QRICH2: variants seen among roughly 807,000 people sequenced by gnomAD.
QRICH2 encodes the protein glutamine-rich protein 2.
Under a neutral mutation model 168.3 loss-of-function variants are expected in QRICH2, and 119 were observed. That is an observed-to-expected ratio of 0.71 (90% CI 0.61 to 0.82). The LOEUF is 0.82. Among genes scored for constraint, QRICH2 ranks in the 40% least tolerant of loss-of-function variants. The pLI is 0.00. For missense variants in QRICH2, 2,241 were observed against 2,491.6 expected (o/e 0.90, Z 2.14); for synonymous variants, 894 against 951.2 (o/e 0.94, Z 1.11).
At position 76,292,596 on chromosome 17, in the gene QRICH2, C is replaced by G. The variant is rs2071029150; in HGVS notation, c.2131G>C (p.Val711Leu). Residue 711 changes from valine (V) to leucine (L), a missense_variant, in exon 4 of 19, where the codon GTA becomes CTA. Val to Leu is a conservative substitution (Grantham distance 32, BLOSUM62 1). Transcript: ENST00000680821. ...VQPGADQHGL[V>L]QSGADQSDLA... is the part of the protein sequence containing the mutation. ...TCACTCTGATCTGCACCAGATTGTACCAAACCATGCTGATCTGCACCAGGT... is the reference window on the plus strand; with the variant it reads ...TCACTCTGATCTGCACCAGATTGTAGCAAACCATGCTGATCTGCACCAGGT... 6.2e-7 allele frequency: 1 copy of G among 1,614,124 alleles called. No individual in the cohort carries two copies. Among genetic ancestry groups the G allele is most frequent in the Non-Finnish European group, 8.5e-7 (1 of 1,179,992 alleles).
chr17:76,300,564 T>TCC (rs2070880985), intron 3 of QRICH2, among the ~76,000 whole-genome samples: 3 of 152,142 alleles, frequency 2.0e-5, no homozygotes, highest in Admixed American at 6.6e-5. Context: ...GGTGTTAACC[T>TCC]CCATTATGGG....
In QRICH2 at chr17:76,280,133, G is replaced by A; in HGVS notation, c.4648C>T (p.Pro1550Ser). The A allele has an allele frequency of 6.2e-7, 1 of 1,613,902 alleles. No individual in the cohort carries two copies. The highest frequency in any genetic ancestry group is 8.5e-7 in the Non-Finnish European group (1 of 1,179,988). ...DNKLDRLELD[P>S]VKQLLEDRWK... ...CGATCCTCCAGCAACTGCTTCACTG[G>A]GTCCAGCTCCAGGCGGTCCAGCTGT... The change falls in exon 12 of 19, where the codon CCA becomes TCA. Residue 1550 changes from proline to serine, a missense_variant. Pro to Ser is a moderately conservative substitution (Grantham distance 74, BLOSUM62 -1). Around this residue, in one of 3 missense-constraint regions of QRICH2, gnomAD observed 2,047 missense variants for 2,303.8 expected, o/e 0.89. Coordinates refer to ENST00000680821, the MANE Select transcript of QRICH2 (RefSeq NM_001388453.1). The surrounding 1 kb of genome is among the most constrained non-coding windows in gnomAD (Gnocchi z 7.4).
At position 76,306,168 on chromosome 17, in the gene QRICH2, CAAAAA is replaced by C. The variant is rs368182885; in HGVS notation, c.535-1232_535-1228del. ...TGGGTGACAGAGTGAGAATGTGTCTCAAAAAAAAAAAAAAAAAAAAAAAAACCCAA... is the reference window on the plus strand; with the variant it reads ...TGGGTGACAGAGTGAGAATGTGTCTCAAAAAAAAAAAAAAAAAAAACCCAA... On this transcript the variant is annotated intron_variant, in intron 1 of 18. Coordinates refer to ENST00000680821, the MANE Select transcript of QRICH2 (RefSeq NM_001388453.1). Among the ~76,000 whole-genome samples the C allele has an allele frequency of 2.6e-3, 178 of 68,112 alleles. 1 individual carries two copies. Among genetic ancestry groups the C allele is most frequent in the African/African-American group, 7.1e-3 (167 of 23,680 alleles). 44.7% of individuals were successfully genotyped at this position (68,112 alleles called of 152,430 possible).
At chr17:76,290,724 A>G (rs2143277823) in intron 4 of QRICH2, among the ~76,000 whole-genome samples, 1 of 151,484 alleles carries the variant, frequency 6.6e-6, no homozygotes, top group Admixed American at 6.6e-5. Context: ...TCTCCCGCCC[A>G]CCTCCCAATG....
Position 76,274,122 on chromosome 17 carries a change from A to G in QRICH2, c.5621T>C (p.Leu1874Pro). 6.3e-7 allele frequency: 1 copy of G among 1,587,838 alleles called. No homozygotes were observed. Among genetic ancestry groups the G allele is most frequent in the South Asian group, 1.1e-5 (1 of 88,236 alleles). The change falls in exon 19 of 19, where the codon CTC (leucine) becomes CCC (proline). Residue 1874 changes from leucine (L) to proline (P), a missense_variant. Coordinates refer to ENST00000680821, the MANE Select transcript of QRICH2 (RefSeq NM_001388453.1). ...CCGCGGCCCCCGCGTGGGCTCCTCG[A>G]GCCCCTCCCCAGGAGGCATGTCCAC... ...RHVDMPPGEG[L>P]EEPTRGPRSS...
rs1296895159 is a variant in QRICH2, at chr17:76,276,762, A to G, written c.5271T>C (p.Asp1757=). ...CATCCAGGCCCAAGATGTCCACCTCATCATGCTGTAGAAGTGAACAGATAC... is the reference window on the plus strand; with the variant it reads ...CATCCAGGCCCAAGATGTCCACCTCGTCATGCTGTAGAAGTGAACAGATAC... ...TEEIQIAMKH[D]EVDILGLDGH... Residue 1757 remains aspartate (D), a synonymous_variant, in exon 17 of 19, where the codon GAT becomes GAC. Coordinates refer to ENST00000680821, the MANE Select transcript of QRICH2 (RefSeq NM_001388453.1). 1 of 1,611,460 alleles carries G rather than the reference A, an allele frequency of 6.2e-7. No individual in the cohort carries two copies. Among genetic ancestry groups the G allele is most frequent in the Admixed American group, 1.7e-5 (1 of 60,004 alleles).
intron 18 of QRICH2, among the ~76,000 whole-genome samples, chr17:76,274,970 G>A (rs2070648123): frequency 6.6e-6 from 1 of 152,192 alleles, no homozygotes. Flanking sequence ...TGATGCTGAG[G>A]AGCCATGAGC....
In QRICH2 at chr17:76,292,421, T is replaced by C. The variant is rs143901735; in HGVS notation, c.2306A>G (p.His769Arg). The change falls in exon 4 of 19, where the codon CAT becomes CGT. Residue 769 changes from histidine to arginine, a missense_variant. By Grantham distance (29) the His-to-Arg change is conservative. Transcript: ENST00000680821. ...ATCCACTCCAGGTTGGACCAAACCA[T>C]GCTGATCTGCACCAGGTTGGACCAA... Reference protein sequence around the residue: ...RGLVQPGADQHGLVQPGVDQH... With the variant: ...RGLVQPGADQRGLVQPGVDQH... The C allele has an allele frequency of 0.015, 24,171 of 1,593,206 alleles. 235 individuals carry two copies. The highest frequency in any genetic ancestry group is 0.031 in the South Asian group (2,791 of 90,236).
Position 76,280,995 on chromosome 17 carries a change from G to C in QRICH2, c.4264-42C>G. Reference sequence around the variant, plus strand: ...GGGAAGGCTCTCGGAGGCTGCTGGCGCGATCCCACCCCCTGCTGCCATAAT... The same window carrying C: ...GGGAAGGCTCTCGGAGGCTGCTGGCCCGATCCCACCCCCTGCTGCCATAAT... On this transcript the variant is annotated intron_variant, in intron 8 of 18. Coordinates refer to ENST00000680821, the MANE Select transcript of QRICH2 (RefSeq NM_001388453.1). The surrounding 1 kb of genome is among the most constrained non-coding windows in gnomAD (Gnocchi z 7.4). 6.3e-7 allele frequency: 1 copy of C among 1,593,504 alleles called. No individual in the cohort carries two copies. Among genetic ancestry groups the C allele is most frequent in the Non-Finnish European group, 8.5e-7 (1 of 1,176,044 alleles).
chr17:76,296,669 T>C (rs981496663), intron 3 of QRICH2, among the ~76,000 whole-genome samples: 5 of 151,396 alleles, frequency 3.3e-5, no homozygotes, highest in Admixed American at 6.6e-5. Context: ...TCGCAGCTAC[T>C]TGGGAGGCTG....
At chr17:76,308,293 C>T (rs1483617881), upstream of QRICH2, 1 of 985,418 alleles carries the variant, frequency 1.0e-6, no homozygotes, top group Non-Finnish European at 1.2e-6. Flanking sequence ...TGGGGGCCCC[C>T]GCGTGCCCTG....
Position 76,292,542 on chromosome 17 carries a change from C to G in QRICH2, c.2185G>C (p.Gly729Arg). ...TGATCTACTCCAGGTTGGACCAAAC[C>G]ATGCTGAACTGCACCAGGTTGAGCC... The part of the protein sequence containing the change: ...DLAQPGAVQH[G>R]LVQPGVDQRG... The change falls in exon 4 of 19, where the codon GGT becomes CGT. Residue 729 changes from glycine to arginine, a missense_variant. This residue lies in a region of QRICH2 where 2,047 missense variants were observed against 2,303.8 expected (regional missense o/e 0.89). Transcript: ENST00000680821. 6.2e-7 allele frequency: 1 copy of G among 1,613,894 alleles called. No homozygotes were observed. Among genetic ancestry groups the G allele is most frequent in the Non-Finnish European group, 8.5e-7 (1 of 1,179,914 alleles).
Position 76,290,059 on chromosome 17 carries a change from G to C in QRICH2, c.3731C>G (p.Pro1244Arg). The change falls in exon 5 of 19, where the codon CCT (proline) becomes CGT (arginine). Residue 1244 changes from proline to arginine, a missense_variant. By Grantham distance (103) the Pro-to-Arg change is moderately radical. Transcript: ENST00000680821. Reference protein sequence around the residue: ...LAQMVKRTIPPELQEQLKTVK... With the variant: ...LAQMVKRTIPRELQEQLKTVK... The stretch of plus-strand genomic sequence containing the variant: ...GGTCTTCAGCTGCTCCTGCAGTTCA[G>C]GAGGTATGGTCCTTTTGACTATGGA... 1 of 1,612,210 alleles carries C rather than the reference G, an allele frequency of 6.2e-7. No individual in the cohort carries two copies. Among genetic ancestry groups the C allele is most frequent in the Non-Finnish European group, 8.5e-7 (1 of 1,178,900 alleles).
In QRICH2 at chr17:76,291,535, C is replaced by G. The variant is rs765097341; in HGVS notation, c.3192G>C (p.Leu1064=). ...PGTDQHSPIP[L]STGLGSTHPD... is the part of the protein sequence containing the mutation. ...GGTGTGTAGATCCCAAACCTGTACT[C>G]AGTGGTATTGGGCTGTGCTGGTCTG... The change falls in exon 4 of 19, where the codon CTG becomes CTC. Residue 1064 remains leucine, a synonymous_variant. Transcript: ENST00000680821. 6.2e-7 allele frequency: 1 copy of G among 1,610,938 alleles called. No individual in the cohort carries two copies. The highest frequency in any genetic ancestry group is 8.5e-7 in the Non-Finnish European group (1 of 1,178,544).
intron 5 of QRICH2, 84 bp from the exon 6 acceptor site, chr17:76,287,981 C>T (rs1448850562): frequency 9.3e-7 from 1 of 1,075,698 alleles, no homozygotes; most frequent in African/African-American, 1.5e-5. Flanking sequence ...TCATGCCAGC[C>T]CTCCCCGTTC....
intron 3 of QRICH2, among the ~76,000 whole-genome samples, chr17:76,300,460 C>A (rs2070879680): frequency 6.6e-6 from 1 of 152,182 alleles, no homozygotes; most frequent in African/African-American, 2.4e-5. Context: ...ACATACAACA[C>A]ACCTGAGACA....
At position 76,277,219 on chromosome 17, in the gene QRICH2, G is replaced by A. The variant is rs762729058; in HGVS notation, c.5209C>T (p.Pro1737Ser). Residue 1737 changes from proline to serine, a missense_variant, in exon 16 of 19, where the codon CCG (proline) becomes TCG (serine). Pro to Ser is a moderately conservative substitution (Grantham distance 74). Around this residue, in one of 3 missense-constraint regions of QRICH2, gnomAD observed 2,047 missense variants for 2,303.8 expected, o/e 0.89. Coordinates refer to ENST00000680821, the MANE Select transcript of QRICH2 (RefSeq NM_001388453.1). ...TACAGGCCCCGGGGAAGGTGCTGCG[G>A]GCGGCTGCGGTGGTAGGGGTAGGTG... ...TLTYPYHRSRPQHLPRGLYPT... is the reference protein window; with the variant it reads ...TLTYPYHRSRSQHLPRGLYPT... 8 of 1,603,884 alleles carry A rather than the reference G, an allele frequency of 5.0e-6. No homozygotes were observed. In the Admixed American group the frequency reaches 1.4e-4, roughly 28 times the overall value.
intron 5 of QRICH2, among the ~76,000 whole-genome samples, chr17:76,288,487 C>G (rs1330262313): frequency 1.3e-5 from 2 of 149,306 alleles, no homozygotes; most frequent in Non-Finnish European, 3.0e-5. Context: ...GGAGGATCAC[C>G]TGAGGTCAGG....
chr17:76,296,223 A>C (rs1317391410), intron 3 of QRICH2, among the ~76,000 whole-genome samples: 2 of 152,120 alleles, frequency 1.3e-5, no homozygotes, highest in African/African-American at 2.4e-5. Flanking sequence ...ACTCTATCTC[A>C]AAAAAACAAA....
Sources: allele counts gnomAD v4.1 joint callset (sites outside exome capture counted in the v4.1 genomes callset), GRCh38; gene constraint gnomAD v4.1.1; regional missense constraint gnomAD v4.1.1; non-coding constraint Gnocchi (gnomAD v3.1); transcripts MANE v1.5; gene names NCBI Gene and HGNC (gene_info 2026-07-23, HGNC 2026-07-21).